PSD3: variants seen among roughly 807,000 people sequenced by gnomAD.
PSD3 encodes PH and SEC7 domain-containing protein 3.
In PSD3, 49 loss-of-function variants were observed where a neutral mutation model predicts 105.5. The ratio of observed to expected loss-of-function variants is 0.46; its 90% CI spans 0.37 to 0.59. The LOEUF (loss-of-function observed/expected upper bound fraction) is 0.59, where lower values mean the gene tolerates loss of function less well. Among genes scored for constraint, PSD3 ranks in the 20% least tolerant of loss-of-function variants. The pLI is 0.00. For synonymous variants in PSD3, 557 were observed against 457.8 expected (o/e 1.22, Z -2.77); for missense variants, 1,561 against 1,263.8 (o/e 1.24, Z -3.57).
chr8:19,075,666 T>C (rs993509654), intron 1 of PSD3, among the ~76,000 whole-genome samples: 2 of 152,238 alleles, frequency 1.3e-5, no homozygotes, highest in Non-Finnish European at 2.9e-5. Context: ...TAAATTACGA[T>C]GTGCAGATAG....
At chr8:18,765,687 G>A (rs548440294) in intron 8 of PSD3, 149 bp from the exon 9 acceptor site, 6 of 682,044 alleles carry the variant, frequency 8.8e-6, no homozygotes, top group East Asian at 8.2e-5. Flanking sequence ...CACACTTTGG[G>A]AGGCCGAGGT....
chr8:18,943,882 A>G (rs1379658386), intron 1 of PSD3, among the ~76,000 whole-genome samples: 1 of 151,904 alleles, frequency 6.6e-6, no homozygotes, highest in African/African-American at 2.4e-5. Flanking sequence ...GGCACCCTAT[A>G]CTTCACCATG....
intron 14 of PSD3, among the ~76,000 whole-genome samples, chr8:18,566,681 G>A (rs79909127): frequency 0.078 from 11,903 of 152,102 alleles, 1,095 homozygotes; most frequent in African/African-American, 0.21. Context: ...TTAAATTCCT[G>A]AAATGATACG....
intron 1 of PSD3, among the ~76,000 whole-genome samples, chr8:18,958,820 G>A (rs1353132532): frequency 1.3e-5 from 2 of 152,012 alleles, no homozygotes; most frequent in Non-Finnish European, 2.9e-5. Context: ...TCTGCTTAAA[G>A]CACTATTTTA....
intron 15 of PSD3, among the ~76,000 whole-genome samples, chr8:18,547,077 G>A (rs368017985): frequency 1.3e-5 from 2 of 152,114 alleles, no homozygotes; most frequent in Non-Finnish European, 2.9e-5. Context: ...AATTTGTCTC[G>A]TGTGCAGGAT....
In PSD3 at chr8:18,528,801, T is replaced by G. The variant is rs950563495; in HGVS notation, c.*6942A>C. The G allele has an allele frequency of 1.3e-5, 2 of 152,658 alleles. No homozygotes were observed. Among genetic ancestry groups the G allele is most frequent in the African/African-American group, 4.8e-5 (2 of 41,456 alleles). 9.5% of individuals were successfully genotyped at this position (152,658 alleles called of 1,614,324 possible). A position where few individuals can be genotyped will look rare whatever the true frequency, so the allele number is the denominator to read the frequency against. ...CAAAATTCTCTCCATTAACCAACAT[T>G]TTCAGGAATTGAAGTTAGGGTGCTT... On this transcript the variant is annotated 3_prime_UTR_variant, in exon 16 of 16. Coordinates refer to ENST00000327040, the MANE Select transcript of PSD3 (RefSeq NM_015310.4).
chr8:18,718,948 T>C (rs1034153094), intron 9 of PSD3, among the ~76,000 whole-genome samples: 4 of 152,196 alleles, frequency 2.6e-5, no homozygotes, highest in Non-Finnish European at 2.9e-5. Flanking sequence ...CAGTCTCCAC[T>C]TGACTGCTAC....
chr8:18,709,350 G>C (rs1373860429), intron 9 of PSD3, among the ~76,000 whole-genome samples: 1 of 152,214 alleles, frequency 6.6e-6, no homozygotes, highest in Non-Finnish European at 1.5e-5. Context: ...TTGATCCCTG[G>C]GATGGAGCCC....
Position 18,765,917 on chromosome 8 carries a change from G to C in PSD3, c.2083-379C>G, listed in dbSNP as rs546249890. 1.3e-4 allele frequency among the ~76,000 whole-genome samples: 19 copies of C among 150,956 alleles called. No homozygotes were observed. The East Asian group carries it at 3.5e-3, about 28-fold the overall frequency. On this transcript the variant is annotated intron_variant, in intron 8 of 15. Coordinates refer to ENST00000327040, the MANE Select transcript of PSD3 (RefSeq NM_015310.4). ...CGGGAGGCAGAGGTTGCAGCGAGCG[G>C]AGATGGTGCCACTGCACTCCAGCGT...
At chr8:18,684,682 T>C (rs912173069) in intron 9 of PSD3, among the ~76,000 whole-genome samples, 2 of 152,220 alleles carry the variant, frequency 1.3e-5, no homozygotes, top group Non-Finnish European at 2.9e-5. Flanking sequence ...ATTATGTCAG[T>C]GTGTACGGCA....
chr8:18,697,513 C>G (rs1801327229), intron 9 of PSD3, among the ~76,000 whole-genome samples: 1 of 152,194 alleles, frequency 6.6e-6, no homozygotes. Flanking sequence ...GTCCATGATT[C>G]ACTAAAACAT....
Position 18,632,850 on chromosome 8 carries a change from A to C in PSD3, c.2217-44T>G, listed in dbSNP as rs373907809. On this transcript the variant is annotated intron_variant, in intron 10 of 15. Coordinates refer to ENST00000327040, the MANE Select transcript of PSD3 (RefSeq NM_015310.4). ...AAAGACTGAGTCAAGCACCTATCAT[A>C]ATATTCAAAGAAAAAGGTAAGTTAT... 9 of 1,400,230 alleles carry C rather than the reference A, an allele frequency of 6.4e-6. No homozygotes were observed. In the South Asian group the frequency reaches 1.2e-4, roughly 19 times the overall value. The allele number at this position is 1,400,230 out of a possible 1,614,324, so 86.7% of individuals were successfully genotyped here.
chr8:18,802,294 G>T, intron 6 of PSD3: 1 of 402,878 alleles, frequency 2.5e-6, no homozygotes, highest in African/African-American at 2.0e-5. Context: ...GTCACTAAGA[G>T]CACTGTTTAT....
chr8:18,849,738 G>A (rs1815417416), intron 4 of PSD3: 1 of 152,140 alleles, frequency 6.6e-6, no homozygotes, highest in African/African-American at 2.4e-5. Flanking sequence ...CTTACTGACT[G>A]ACCTTGTCTT....
chr8:18,677,792 C>G (rs1023739051), intron 9 of PSD3, among the ~76,000 whole-genome samples: 1 of 152,032 alleles, frequency 6.6e-6, no homozygotes, highest in African/African-American at 2.4e-5. Flanking sequence ...GGCCAGATCA[C>G]GAGGTCAGGA....
intron 12 of PSD3, among the ~76,000 whole-genome samples, chr8:18,586,313 T>C (rs1447846272): frequency 6.6e-6 from 1 of 152,194 alleles, no homozygotes; most frequent in African/African-American, 2.4e-5. Context: ...GTTTTCCTTC[T>C]GATGACTATT....
At chr8:18,684,090 C>T (rs1800526372) in intron 9 of PSD3, 2 of 578,602 alleles carry the variant, frequency 3.5e-6, no homozygotes, top group Non-Finnish European at 3.1e-6. Flanking sequence ...CTGCCTCCCC[C>T]AGCATCTTCA....
chr8:18,563,965 CA>C (rs976886353), intron 14 of PSD3, among the ~76,000 whole-genome samples: 36 of 152,050 alleles, frequency 2.4e-4, no homozygotes, highest in African/African-American at 8.7e-4. Flanking sequence ...TGACCCACTG[CA>C]AAGAGTTTTA....
rs376813047 is a variant in PSD3 at position 18,871,867 on chromosome 8, C to A, written c.997G>T (p.Asp333Tyr). 1 of 1,614,198 alleles carries A rather than the reference C, an allele frequency of 6.2e-7. No homozygotes were observed. Among genetic ancestry groups the A allele is most frequent in the East Asian group, 2.2e-5 (1 of 44,890 alleles). ...ETSLQRTASP[D>Y]SKESSKVPRH... ...GGCACTTTGGAAGACTCTTTGCTGT[C>A]AGGAGAGGCTGTTCTTTGCAGTGAT... The change falls in exon 3 of 16, where the codon GAC becomes TAC. Residue 333 changes from aspartate to tyrosine, a missense_variant. Transcript: ENST00000327040.
Sources: allele counts gnomAD v4.1 joint callset (sites outside exome capture counted in the v4.1 genomes callset), GRCh38; gene constraint gnomAD v4.1.1; transcripts MANE v1.5; gene names NCBI Gene and HGNC (gene_info 2026-07-23, HGNC 2026-07-21).